Variants in ADCY2 observed in about 807,000 individuals in gnomAD.
ADCY2 encodes the protein adenylate cyclase 2, also known as adenylate cyclase type 2.
ADCY2 carries 31 observed loss-of-function variants against 125.2 expected under a neutral mutation model. That is an observed-to-expected ratio of 0.25 (90% CI 0.19 to 0.33). ADCY2 has a LOEUF of 0.33. ADCY2 is among the 10% of genes least tolerant of loss of function. The pLI is 1.00. For synonymous variants in ADCY2, 512 were observed against 548.4 expected (o/e 0.93, Z 0.93); for missense variants, 904 against 1,418.2 (o/e 0.64, Z 5.82).
At chr5:7,450,399 A>G (rs1161855217) in intron 2 of ADCY2, among the ~76,000 whole-genome samples, 1 of 152,198 alleles carries the variant, frequency 6.6e-6, no homozygotes, top group African/African-American at 2.4e-5. Context: ...CCAAAGCCTA[A>G]TCCAGAGAAA....
rs1475041146 is a variant in ADCY2 at position 7,616,880 on chromosome 5, G to C, written c.571-9287G>C. Among the ~76,000 whole-genome samples, 6 of 152,204 alleles carry C rather than the reference G, an allele frequency of 3.9e-5. No homozygotes were observed. In the South Asian group the frequency reaches 1.2e-3, roughly 32 times the overall value. On this transcript the variant is annotated intron_variant, in intron 3 of 24. Coordinates refer to ENST00000338316, the MANE Select transcript of ADCY2 (RefSeq NM_020546.3). ...GGTGGGCCCTAATGCAATCTGACTG[G>C]TGTCTCTATAAGAAGAGGAGATTAG... is the stretch of plus-strand genomic sequence containing the variant.
At position 7,496,295 on chromosome 5, in the gene ADCY2, G is replaced by A. The variant is rs1289722528; in HGVS notation, c.409-24443G>A. On this transcript the variant is annotated intron_variant, in intron 2 of 24. Coordinates refer to ENST00000338316, the MANE Select transcript of ADCY2 (RefSeq NM_020546.3). ...AAGCAACAACATTTTAATAAAAATCGCTAACTCCAAATTCTTAGGAATGTA... is the reference window on the plus strand; with the variant it reads ...AAGCAACAACATTTTAATAAAAATCACTAACTCCAAATTCTTAGGAATGTA... 1.4e-4 allele frequency among the ~76,000 whole-genome samples: 22 copies of A among 152,136 alleles called. No individual in the cohort carries two copies. The South Asian group carries it at 3.5e-3, about 24-fold the overall frequency.
At chr5:7,495,940 C>T (rs900885765) in intron 2 of ADCY2, among the ~76,000 whole-genome samples, 8 of 152,184 alleles carry the variant, frequency 5.3e-5, no homozygotes, top group Non-Finnish European at 1.2e-4. Context: ...CCTACCAATA[C>T]ATGTGTGTTC....
chr5:7,675,060 C>G (rs769615652), intron 4 of ADCY2, among the ~76,000 whole-genome samples: 5 of 150,980 alleles, frequency 3.3e-5, no homozygotes, highest in Non-Finnish European at 5.9e-5. Flanking sequence ...GAGGCTGAGG[C>G]AGGAGAATGG....
At chr5:7,556,914 C>T (rs1321769740) in intron 3 of ADCY2, among the ~76,000 whole-genome samples, 1 of 152,014 alleles carries the variant, frequency 6.6e-6, no homozygotes, top group Non-Finnish European at 1.5e-5. Context: ...TCCACAAAAC[C>T]GGCCTCTGGT....
At chr5:7,702,843 A>G (rs1741135019) in intron 7 of ADCY2, among the ~76,000 whole-genome samples, 1 of 152,222 alleles carries the variant, frequency 6.6e-6, no homozygotes, top group African/African-American at 2.4e-5. Flanking sequence ...CAGTCCCACC[A>G]ACAGTGTAAA....
chr5:7,503,352 C>T (rs1223097877), intron 2 of ADCY2, among the ~76,000 whole-genome samples: 1 of 152,172 alleles, frequency 6.6e-6, no homozygotes, highest in East Asian at 1.9e-4. Context: ...ACCACAGATG[C>T]AGAGGTGAAT....
chr5:7,620,003 C>A (rs985338660), intron 3 of ADCY2, among the ~76,000 whole-genome samples: 1 of 152,158 alleles, frequency 6.6e-6, no homozygotes, highest in Non-Finnish European at 1.5e-5. Context: ...CTATAACGAT[C>A]TGAGGATCTT....
intron 3 of ADCY2, among the ~76,000 whole-genome samples, chr5:7,554,422 T>C (rs1212058695): frequency 6.6e-6 from 1 of 152,192 alleles, no homozygotes; most frequent in East Asian, 1.9e-4. Context: ...GAAGTGGTTA[T>C]TTGGGAGCTG....
chr5:7,666,042 G>T (rs1186368924), intron 4 of ADCY2, among the ~76,000 whole-genome samples: 28 of 151,094 alleles, frequency 1.9e-4, no homozygotes, highest in Non-Finnish European at 2.8e-4. Flanking sequence ...GTTTCACCAT[G>T]TTAGCCAGGA....
At chr5:7,749,920 A>C (rs1214563197) in intron 15 of ADCY2, among the ~76,000 whole-genome samples, 2 of 152,172 alleles carry the variant, frequency 1.3e-5, no homozygotes, top group South Asian at 4.1e-4. Flanking sequence ...TTTCCTGTCA[A>C]TATCCCTCCA....
At chr5:7,412,430 CATA>C (rs1215724306) in intron 1 of ADCY2, among the ~76,000 whole-genome samples, 1 of 152,172 alleles carries the variant, frequency 6.6e-6, no homozygotes, top group Non-Finnish European at 1.5e-5. Context: ...GTGCAGTGGT[CATA>C]ATCTCAGATT....
chr5:7,705,593 A>T (rs1741241875), intron 7 of ADCY2, among the ~76,000 whole-genome samples: 1 of 151,772 alleles, frequency 6.6e-6, no homozygotes, highest in Non-Finnish European at 1.5e-5. Flanking sequence ...GCACAGCCAC[A>T]GCCTGCAGAT....
rs187598904 is a variant in ADCY2, at chr5:7,401,804, C to T, written c.210+5298C>T. 2.8e-3 allele frequency among the ~76,000 whole-genome samples: 424 copies of T among 152,208 alleles called. 1 individual carries two copies. The highest frequency in any genetic ancestry group is 6.8e-3 in the East Asian group (35 of 5,178). ...AAATGGAACAACACTGTTAGAGCTG[C>T]GATATTCCTGTGTTGAAGGTGTTTT... On this transcript the variant is annotated intron_variant, in intron 1 of 24. Coordinates refer to ENST00000338316, the MANE Select transcript of ADCY2 (RefSeq NM_020546.3).
chr5:7,562,952 A>G (rs1735758608), intron 3 of ADCY2, among the ~76,000 whole-genome samples: 1 of 152,102 alleles, frequency 6.6e-6, no homozygotes, highest in Non-Finnish European at 1.5e-5. Context: ...CATTTCCTTT[A>G]TTTAATTTTT....
At chr5:7,769,420 CAAAACAGTATTATTTTAATTTTTA>C (rs1440623959) in intron 17 of ADCY2, among the ~76,000 whole-genome samples, 1 of 151,640 alleles carries the variant, frequency 6.6e-6, no homozygotes, top group Non-Finnish European at 1.5e-5. Flanking sequence ...TTAAAAAATA[CAAAACAGTATTATTTTAATTTTTA>C]AAAATAATAC....
In ADCY2 at chr5:7,739,846, A is replaced by G. The variant is rs142636281; in HGVS notation, c.1872-3822A>G. On this transcript the variant is annotated intron_variant, in intron 14 of 24. Coordinates refer to ENST00000338316, the MANE Select transcript of ADCY2 (RefSeq NM_020546.3). ...ATAAAATGAGTTTCTTGAAAAGACT[A>G]TTTACCAAAAGCTGAAACAAATAGA... Among the ~76,000 whole-genome samples the G allele has an allele frequency of 1.6e-3, 247 of 152,086 alleles. 2 individuals carry two copies. The highest frequency in any genetic ancestry group is 5.6e-3 in the African/African-American group (233 of 41,574).
At chr5:7,734,205 A>G (rs1199373824) in intron 14 of ADCY2, among the ~76,000 whole-genome samples, 1 of 152,216 alleles carries the variant, frequency 6.6e-6, no homozygotes, top group Non-Finnish European at 1.5e-5. Flanking sequence ...TCAACCAGGA[A>G]AGAGTCCGTG....
At chr5:7,690,926 A>C (rs1253141969) in intron 5 of ADCY2, 87 bp downstream of exon 5, 2 of 1,359,174 alleles carry the variant, frequency 1.5e-6, no homozygotes, top group Middle Eastern at 1.9e-4. Flanking sequence ...TCATATCACC[A>C]TCTCTCCTTT....
Sources: gnomAD v4.1 joint callset for allele counts (sites outside exome capture counted in the v4.1 genomes callset) on GRCh38, gnomAD v4.1.1 for gene constraint, MANE v1.5 for transcripts, NCBI Gene and HGNC (gene_info 2026-07-23, HGNC 2026-07-21) for gene names.